Variants in BABAM2 observed in about 807,000 individuals in gnomAD.
BABAM2 encodes BRISC and BRCA1-A complex member 2.
A neutral mutation model predicts 54.7 loss-of-function variants in BABAM2; 31 were observed. The ratio of observed to expected loss-of-function variants is 0.57; its 90% confidence interval spans 0.43 to 0.77. The LOEUF (loss-of-function observed/expected upper bound fraction) is 0.77. BABAM2 is among the 30% of genes least tolerant of loss of function. BABAM2 has a pLI of 0.00. For synonymous variants in BABAM2, 167 were observed against 162.9 expected (o/e 1.03, Z -0.19); for missense variants, 364 against 455.8 (o/e 0.80, Z 1.83).
At chr2:27,917,433 T>C (rs1173680287) in intron 2 of BABAM2, among the ~76,000 whole-genome samples, 1 of 152,204 alleles carries the variant, frequency 6.6e-6, no homozygotes. Context: ...TTCTGATGGC[T>C]AGAAAGTCCA....
At chr2:27,994,691 A>G (rs1472775223) in intron 4 of BABAM2, among the ~76,000 whole-genome samples, 1 of 152,190 alleles carries the variant, frequency 6.6e-6, no homozygotes, top group African/African-American at 2.4e-5. Flanking sequence ...CAGTTTATCC[A>G]TTCTACTATT....
intron 7 of BABAM2, among the ~76,000 whole-genome samples, chr2:28,194,072 G>A (rs796098072): frequency 1.1e-4 from 17 of 152,240 alleles, no homozygotes; most frequent in Non-Finnish European, 1.6e-4. Context: ...CTCAGAGAGC[G>A]GGCGGGAGTG....
intron 6 of BABAM2, among the ~76,000 whole-genome samples, chr2:28,096,617 T>C (rs1666648978): frequency 6.6e-6 from 1 of 152,198 alleles, no homozygotes; most frequent in African/African-American, 2.4e-5. Flanking sequence ...GTTGCCATTT[T>C]TTCAGTAGTA....
Position 28,322,681 on chromosome 2 carries a change from G to A in BABAM2, c.1089-15769G>A, listed in dbSNP as rs546724442. Among the ~76,000 whole-genome samples, 54 of 152,340 alleles carry A rather than the reference G, an allele frequency of 3.5e-4. No homozygotes were observed. Among genetic ancestry groups the A allele is most frequent in the African/African-American group, 1.2e-3 (48 of 41,588 alleles). Reference sequence around the variant, plus strand: ...GCTGTGGTTGGCGGCCGCAGGCCCCGATGCTTAGGCCAGGCCTTGAGGGTG... The same window carrying A: ...GCTGTGGTTGGCGGCCGCAGGCCCCAATGCTTAGGCCAGGCCTTGAGGGTG... On this transcript the variant is annotated intron_variant, in intron 11 of 11. Transcript: ENST00000379624. This position sits in a 1 kb window ranked among gnomAD's most constrained non-coding sequence, Gnocchi z 4.1.
chr2:28,047,731 C>A (rs935556026), intron 6 of BABAM2, among the ~76,000 whole-genome samples: 2 of 152,194 alleles, frequency 1.3e-5, no homozygotes, highest in Non-Finnish European at 2.9e-5. Context: ...AATGATGTCT[C>A]TTCTATAGAT....
intron 6 of BABAM2, among the ~76,000 whole-genome samples, chr2:28,126,757 C>T (rs1669581370): frequency 6.9e-6 from 1 of 145,900 alleles, no homozygotes; most frequent in Non-Finnish European, 1.5e-5. Flanking sequence ...TACAGTCCCA[C>T]CAACAGTGTA....
In BABAM2 at chr2:28,164,916, A is replaced by T. The variant is rs530534155; in HGVS notation, c.680+35536A>T. ...GATTTTATTCAGCAATCATTTATTAAGTACATTCTTAAGTTTGGTGAGTAC... is the reference window on the plus strand; with the variant it reads ...GATTTTATTCAGCAATCATTTATTATGTACATTCTTAAGTTTGGTGAGTAC... On this transcript the variant is annotated intron_variant, in intron 7 of 11. Transcript: ENST00000379624. Among the ~76,000 whole-genome samples the T allele has an allele frequency of 9.8e-5, 15 of 152,320 alleles. 2 individuals carry two copies. The South Asian group carries it at 2.9e-3, about 29-fold the overall frequency.
intron 2 of BABAM2, chr2:27,897,113 G>A (rs1277977570): frequency 6.5e-6 from 1 of 153,452 alleles, no homozygotes; most frequent in Non-Finnish European, 1.5e-5. Flanking sequence ...GGATCATTTG[G>A]GTAACAGGAT....
intron 4 of BABAM2, among the ~76,000 whole-genome samples, chr2:27,990,315 C>T (rs1672691419): frequency 6.6e-6 from 1 of 152,180 alleles, no homozygotes; most frequent in Admixed American, 6.5e-5. Context: ...GCCTGATCCC[C>T]AGCAGACATT....
At chr2:28,183,739 T>TCTCTCACACACACACACACACACACA (rs1553336494) in intron 7 of BABAM2, among the ~76,000 whole-genome samples, 1 of 133,124 alleles carries the variant, frequency 7.5e-6, no homozygotes, top group African/African-American at 2.7e-5. Context: ...TGGATGAAGA[T>TCTCTCACACACACACACACACACACA]CACACACACA....
intron 10 of BABAM2, among the ~76,000 whole-genome samples, chr2:28,267,453 A>G (rs1184822990): frequency 6.6e-6 from 1 of 151,972 alleles, no homozygotes; most frequent in Admixed American, 6.6e-5. Context: ...ACACACACAC[A>G]CACACACACA....
At chr2:28,016,317 T>C (rs1674811631) in intron 4 of BABAM2, 1 of 1,075,426 alleles carries the variant, frequency 9.3e-7, no homozygotes, top group Non-Finnish European at 1.4e-6. Context: ...ACCAAACTCT[T>C]GGAGCCTTTC....
chr2:28,164,310 T>C (rs1673409483), intron 7 of BABAM2, among the ~76,000 whole-genome samples: 1 of 152,152 alleles, frequency 6.6e-6, no homozygotes, highest in African/African-American at 2.4e-5. Flanking sequence ...GAGTTGCCCC[T>C]ACACCCCCAC....
At chr2:28,127,935 C>G (rs1262358996) in intron 6 of BABAM2, among the ~76,000 whole-genome samples, 1 of 151,884 alleles carries the variant, frequency 6.6e-6, no homozygotes, top group Non-Finnish European at 1.5e-5. Flanking sequence ...GCGTCCCAAG[C>G]AGCTGGGACT....
chr2:28,228,407 T>C (rs1681077018), intron 7 of BABAM2, among the ~76,000 whole-genome samples: 1 of 152,232 alleles, frequency 6.6e-6, no homozygotes, highest in Non-Finnish European at 1.5e-5. Context: ...GAAAAATGTT[T>C]GTAGGTTAGT....
chr2:27,986,395 G>A (rs1319937700), intron 3 of BABAM2, among the ~76,000 whole-genome samples: 1 of 151,914 alleles, frequency 6.6e-6, no homozygotes, highest in Non-Finnish European at 1.5e-5. Flanking sequence ...TAGTGGCTAT[G>A]GCAAAGTTCA....
At chr2:27,904,514 A>G (rs1666058603) in intron 2 of BABAM2, among the ~76,000 whole-genome samples, 1 of 152,178 alleles carries the variant, frequency 6.6e-6, no homozygotes, top group Non-Finnish European at 1.5e-5. Context: ...CGTTGACAAC[A>G]CCCATGTATA....
chr2:28,310,013 T>G, intron 11 of BABAM2: 1 of 1,488,870 alleles, frequency 6.7e-7, no homozygotes, highest in Non-Finnish European at 9.4e-7. Context: ...ATAAATAACG[T>G]GGAATTATTG....
At chr2:27,987,872 C>G in intron 3 of BABAM2, 121 bp from the exon 4 acceptor site, 2 of 747,238 alleles carry the variant, frequency 2.7e-6, no homozygotes, top group East Asian at 2.8e-5. Context: ...CTGGAAAGTG[C>G]TTTTCAAATG....
Sources: gnomAD v4.1 joint callset for allele counts (sites outside exome capture counted in the v4.1 genomes callset) on GRCh38, gnomAD v4.1.1 for gene constraint, Gnocchi (gnomAD v3.1) non-coding constraint, MANE v1.5 for transcripts, NCBI Gene and HGNC (gene_info 2026-07-23, HGNC 2026-07-21) for gene names.